The following ADAMTS12 variants were observed in gnomAD, a reference collection of about 807,000 sequenced individuals.
The protein encoded by ADAMTS12 is A disintegrin and metalloproteinase with thrombospondin motifs 12.
ADAMTS12 carries 118 observed loss-of-function variants against 167.8 expected under a neutral mutation model. The observed-to-expected ratio is 0.70, with a 90% CI of 0.61 to 0.82. The LOEUF is 0.82. Among genes scored for constraint, ADAMTS12 ranks in the 40% least tolerant of loss-of-function variants. ADAMTS12 has a pLI of 0.00. For missense variants in ADAMTS12, 1,916 were observed against 1,998.8 expected (o/e 0.96, Z 0.79); for synonymous variants, 704 against 716.9 (o/e 0.98, Z 0.29).
At chr5:33,650,436 A>T (rs1016840741) in intron 7 of ADAMTS12, among the ~76,000 whole-genome samples, 5 of 152,060 alleles carry the variant, frequency 3.3e-5, no homozygotes, top group African/African-American at 1.2e-4. Context: ...GAATTTTTTT[A>T]AAAAAACATT....
At chr5:33,651,426 G>T (rs934472742) in intron 7 of ADAMTS12, among the ~76,000 whole-genome samples, 2 of 152,162 alleles carry the variant, frequency 1.3e-5, no homozygotes, top group African/African-American at 4.8e-5. Flanking sequence ...TACACAATCA[G>T]TGATGAAACA....
chr5:33,704,743 T>C (rs1006213774), intron 3 of ADAMTS12, among the ~76,000 whole-genome samples: 5 of 152,228 alleles, frequency 3.3e-5, no homozygotes, highest in Non-Finnish European at 7.3e-5. Context: ...TAACCACTTA[T>C]CAGATATGTG....
At chr5:33,758,725 G>A (rs191437269) in intron 2 of ADAMTS12, among the ~76,000 whole-genome samples, 1 of 152,122 alleles carries the variant, frequency 6.6e-6, no homozygotes, top group Non-Finnish European at 1.5e-5. Context: ...AGTTGTCATG[G>A]GGGTTTGTCA....
chr5:33,881,520 T>C (rs1217428932), intron 1 of ADAMTS12, 40 bp from the exon 2 acceptor site: 1 of 1,583,528 alleles, frequency 6.3e-7, no homozygotes, highest in Admixed American at 1.8e-5. Flanking sequence ...TGAGGGAGAT[T>C]GGTAGTAAAG....
chr5:33,805,821 G>A (rs111679362), intron 2 of ADAMTS12, among the ~76,000 whole-genome samples: 6,568 of 151,828 alleles, frequency 0.043, 491 homozygotes, highest in African/African-American at 0.15. Flanking sequence ...CCAGGAGTTC[G>A]AGGTTACAGT....
At chr5:33,750,283 G>C (rs536808263) in intron 3 of ADAMTS12, among the ~76,000 whole-genome samples, 1 of 152,244 alleles carries the variant, frequency 6.6e-6, no homozygotes, top group South Asian at 2.1e-4. Context: ...TAAAGCAGTT[G>C]TGTGTTTTTG....
chr5:33,610,323 C>T (rs536205054), intron 16 of ADAMTS12, among the ~76,000 whole-genome samples: 4 of 152,278 alleles, frequency 2.6e-5, no homozygotes, highest in Admixed American at 1.3e-4. Context: ...ACCATATTTC[C>T]GGTTTCACAT....
intron 7 of ADAMTS12, among the ~76,000 whole-genome samples, chr5:33,652,344 C>A (rs1461422188): frequency 6.6e-6 from 1 of 152,034 alleles, no homozygotes; most frequent in Non-Finnish European, 1.5e-5. Flanking sequence ...GAGATAATAC[C>A]TCACTGTGGT....
rs2112476332 is a variant in ADAMTS12 at position 33,803,758 on chromosome 5, AG to A, written c.490-52211del. 2.0e-5 allele frequency among the ~76,000 whole-genome samples: 3 copies of A among 152,328 alleles called. No homozygotes were observed. In the South Asian group the frequency reaches 6.2e-4, roughly 32 times the overall value. ...CGCATCTTACACGGCAGCAGGCAAGAGGGTGTGTGCAGGGGAACTGCCCTTT... is the reference window on the plus strand; with the variant it reads ...CGCATCTTACACGGCAGCAGGCAAGAGGTGTGTGCAGGGGAACTGCCCTTT... On this transcript the variant is annotated intron_variant, in intron 2 of 23. Transcript: ENST00000504830.
In ADAMTS12 at chr5:33,550,065, C is replaced by G. The variant is rs755368; in HGVS notation, c.4126-682G>C. The stretch of plus-strand genomic sequence containing the variant: ...TGAGAGTCTTCTCAGCACTTGCCCC[C>G]GATAGCCACTACACAGGCCCTACTC... On this transcript the variant is annotated intron_variant, in intron 20 of 23. Transcript: ENST00000504830. Among the ~76,000 whole-genome samples the G allele has an allele frequency of 3.3e-5, 5 of 152,158 alleles. 1 individual carries two copies. Among genetic ancestry groups the G allele is most frequent in the Admixed American group, 1.3e-4 (2 of 15,272 alleles).
chr5:33,697,267 A>G (rs1196270124), intron 3 of ADAMTS12, among the ~76,000 whole-genome samples: 1 of 152,232 alleles, frequency 6.6e-6, no homozygotes, highest in Non-Finnish European at 1.5e-5. Context: ...TTTATTGGAG[A>G]AGACAAAAAC....
chr5:33,815,315 G>A (rs1467286120), intron 2 of ADAMTS12, among the ~76,000 whole-genome samples: 1 of 152,114 alleles, frequency 6.6e-6, no homozygotes, highest in Non-Finnish European at 1.5e-5. Flanking sequence ...CCGGGCCTTT[G>A]GGAGGTAATT....
intron 2 of ADAMTS12, among the ~76,000 whole-genome samples, chr5:33,852,774 G>T (rs1309178893): frequency 6.6e-6 from 1 of 152,114 alleles, no homozygotes; most frequent in Non-Finnish European, 1.5e-5. Flanking sequence ...AGCTAAGAAG[G>T]TCATTTGTAT....
intron 2 of ADAMTS12, 44 bp from the exon 3 acceptor site, chr5:33,751,592 C>CAT (rs767206084): frequency 1.9e-6 from 3 of 1,592,696 alleles, no homozygotes; most frequent in Non-Finnish European, 2.6e-6. Context: ...ACCAATTCTA[C>CAT]ATACCTACTA....
At chr5:33,659,571 C>T (rs1741182316) in intron 6 of ADAMTS12, among the ~76,000 whole-genome samples, 1 of 152,110 alleles carries the variant, frequency 6.6e-6, no homozygotes. Context: ...TATAGAGTGC[C>T]TCTGAAGTGT....
At chr5:33,586,242 G>A (rs974485941) in intron 18 of ADAMTS12, among the ~76,000 whole-genome samples, 1 of 152,200 alleles carries the variant, frequency 6.6e-6, no homozygotes, top group Non-Finnish European at 1.5e-5. Context: ...GGCATAGTTA[G>A]AATGTCAAAG....
intron 23 of ADAMTS12, among the ~76,000 whole-genome samples, chr5:33,533,300 G>T (rs2111744304): frequency 6.6e-6 from 1 of 152,298 alleles, no homozygotes. Context: ...ACATAGAAGG[G>T]ATTCTATAGC....
intron 20 of ADAMTS12, among the ~76,000 whole-genome samples, chr5:33,553,839 C>A (rs2111853395): frequency 6.6e-6 from 1 of 152,202 alleles, no homozygotes; most frequent in South Asian, 2.1e-4. Context: ...ATGTAGCAAA[C>A]CTGCACTTGT....
At chr5:33,765,473 AG>A (rs1190055147) in intron 2 of ADAMTS12, among the ~76,000 whole-genome samples, 30 of 152,246 alleles carry the variant, frequency 2.0e-4, no homozygotes, top group Admixed American at 5.2e-4. Flanking sequence ...TCTGGATACA[AG>A]TTTTTAAAAA....
Sources: allele counts gnomAD v4.1 joint callset (sites outside exome capture counted in the v4.1 genomes callset), GRCh38; gene constraint gnomAD v4.1.1; transcripts MANE v1.5; gene names NCBI Gene and HGNC (gene_info 2026-07-23, HGNC 2026-07-21).